Variants in IL2RA observed in about 807,000 individuals in gnomAD.
IL2RA encodes interleukin 2 receptor subunit alpha.
In IL2RA, 24 loss-of-function variants were observed where a neutral mutation model predicts 37.8. That is an observed-to-expected ratio of 0.63 (90% CI 0.46 to 0.89). The LOEUF is 0.89. IL2RA is among the 40% of genes least tolerant of loss of function. The pLI, the probability that IL2RA is intolerant of heterozygous loss-of-function variation, is 0.00. For synonymous variants in IL2RA, 125 were observed against 114.6 expected (o/e 1.09, Z -0.58); for missense variants, 319 against 348.6 (o/e 0.92, Z 0.68).
chr10:6,057,321 T>C lies in IL2RA; in HGVS notation c.64+4767A>G, dbSNP rs1840060566. 6.6e-6 allele frequency among the ~76,000 whole-genome samples: 1 copy of C among 152,184 alleles called. No individual in the cohort carries two copies. ...CTGCCAGGCAGTACTTCTTCAGAGC[T>C]GGAAATAACCCACAATGAGACATCA... is the stretch of plus-strand genomic sequence containing the variant. On this transcript the variant is annotated intron_variant, in intron 1 of 7. Coordinates refer to ENST00000379959, the MANE Select transcript of IL2RA (RefSeq NM_000417.3). This position sits in a 1 kb window ranked among gnomAD's most constrained non-coding sequence, Gnocchi z 4.8.
At position 6,035,659 on chromosome 10, in the gene IL2RA, C is replaced by T. The variant is rs150391673; in HGVS notation, c.65-9634G>A. On this transcript the variant is annotated intron_variant, in intron 1 of 7. Coordinates refer to ENST00000379959, the MANE Select transcript of IL2RA (RefSeq NM_000417.3). The surrounding 1 kb of genome is among the most constrained non-coding windows in gnomAD (Gnocchi z 5.4). ...TGGCCTTCCTCTTTAGTTTTTGTGC[C>T]TTTTATGTGGGCAGAGGGAAAAAGA... Among the ~76,000 whole-genome samples the T allele has an allele frequency of 5.1e-3, 771 of 152,254 alleles. 9 individuals are homozygous for T. Among genetic ancestry groups the T allele is most frequent in the African/African-American group, 0.017 (727 of 41,560 alleles).
intron 1 of IL2RA, among the ~76,000 whole-genome samples, chr10:6,027,382 A>T (rs1193059260): frequency 2.7e-5 from 4 of 150,358 alleles, no homozygotes; most frequent in Non-Finnish European, 5.9e-5. Context: ...TCTAACCAAC[A>T]AGGGACTAAG....
chr10:6,048,675 G>T lies in IL2RA; in HGVS notation c.64+13413C>A, dbSNP rs1211605684. On this transcript the variant is annotated intron_variant, in intron 1 of 7. Transcript: ENST00000379959. The surrounding 1 kb of genome is among the most constrained non-coding windows in gnomAD (Gnocchi z 5.3). ...CATGGAGGTTACTCAATGCCCTATGGGTTTGCCTTTCTGCTTCCCTTCATT... is the reference window on the plus strand; with the variant it reads ...CATGGAGGTTACTCAATGCCCTATGTGTTTGCCTTTCTGCTTCCCTTCATT... 3.3e-5 allele frequency among the ~76,000 whole-genome samples: 5 copies of T among 152,140 alleles called. No homozygotes were observed. The highest frequency in any genetic ancestry group is 7.4e-5 in the Non-Finnish European group (5 of 68,018).
intron 1 of IL2RA, among the ~76,000 whole-genome samples, chr10:6,031,616 A>G (rs913542804): frequency 1.3e-5 from 2 of 150,428 alleles, no homozygotes; most frequent in African/African-American, 4.9e-5. Context: ...ATTACATCAA[A>G]AAACATAAAA....
rs1447713562 is a variant in IL2RA, at chr10:6,020,752, C to G, written c.583+726G>C. Among the ~76,000 whole-genome samples the G allele has an allele frequency of 6.6e-6, 1 of 152,082 alleles. No homozygotes were observed. Among genetic ancestry groups the G allele is most frequent in the African/African-American group, 2.4e-5 (1 of 41,402 alleles). ...TTCACCATGTTGGCCAGGCTGGTCT[C>G]GAACTCCTGACCTAAAGTGATCTGC... On this transcript the variant is annotated intron_variant, in intron 4 of 7. Coordinates refer to ENST00000379959, the MANE Select transcript of IL2RA (RefSeq NM_000417.3). The surrounding 1 kb of genome is among the most constrained non-coding windows in gnomAD (Gnocchi z 5.6).
chr10:6,049,524 C>G (rs545644677), intron 1 of IL2RA, among the ~76,000 whole-genome samples: 1 of 152,332 alleles, frequency 6.6e-6, no homozygotes, highest in East Asian at 1.9e-4. Flanking sequence ...CATGCTCATG[C>G]CACACTTCCC....
chr10:6,026,060 AG>A (rs760263396), intron 1 of IL2RA, 35 bp from the exon 2 acceptor site: 6 of 1,599,324 alleles, frequency 3.8e-6, no homozygotes, highest in Non-Finnish European at 5.1e-6. Context: ...GGAACTCAAG[AG>A]GCCCCAGGCA....
At chr10:6,049,616 A>C (rs952355622) in intron 1 of IL2RA, among the ~76,000 whole-genome samples, 1 of 151,576 alleles carries the variant, frequency 6.6e-6, no homozygotes, top group Non-Finnish European at 1.5e-5. Flanking sequence ...AGCCTCCGGG[A>C]CTCTTCTGTC....
rs754005049 is a variant in IL2RA, at chr10:6,021,513, A to G, written c.548T>C (p.Ile183Thr). ...ACTGGTCTCCATTTCACCTGTGCAT[A>G]TGAGCTGGGGCTGGGTCCACCTTGT... ...GKTRWTQPQL[I>T]CTGEMETSQF... The change falls in exon 4 of 8, where the codon ATA becomes ACA. Residue 183 changes from isoleucine to threonine, a missense_variant. Transcript: ENST00000379959. This position sits in a 1 kb window ranked among gnomAD's most constrained non-coding sequence, Gnocchi z 4.9. 3 of 1,613,966 alleles carry G rather than the reference A, an allele frequency of 1.9e-6. No homozygotes were observed. In the African/African-American group the frequency reaches 4.0e-5, roughly 22 times the overall value.
rs911846331 is a variant in IL2RA, at chr10:6,014,298, A to G, written c.795-1402T>C. Reference sequence around the variant, plus strand: ...AACCAAAACTCTCTGGCTGGGCTACAGTGATCTTTCGGTAATTCAAATGCA... The same window carrying G: ...AACCAAAACTCTCTGGCTGGGCTACGGTGATCTTTCGGTAATTCAAATGCA... On this transcript the variant is annotated intron_variant, in intron 7 of 7. Coordinates refer to ENST00000379959, the MANE Select transcript of IL2RA (RefSeq NM_000417.3). This position sits in a 1 kb window ranked among gnomAD's most constrained non-coding sequence, Gnocchi z 4.4. Among the ~76,000 whole-genome samples the G allele has an allele frequency of 1.3e-4, 20 of 152,040 alleles. No homozygotes were observed. The highest frequency in any genetic ancestry group is 4.6e-4 in the African/African-American group (19 of 41,384).
At chr10:6,050,596 A>G (rs1839935418) in intron 1 of IL2RA, among the ~76,000 whole-genome samples, 1 of 152,200 alleles carries the variant, frequency 6.6e-6, no homozygotes, top group African/African-American at 2.4e-5. Context: ...GTGAGCCGAG[A>G]TCATACCACT....
At position 6,029,439 on chromosome 10, in the gene IL2RA, A is replaced by G. The variant is rs1839542157; in HGVS notation, c.65-3414T>C. Among the ~76,000 whole-genome samples the G allele has an allele frequency of 6.6e-6, 1 of 152,108 alleles. No individual in the cohort carries two copies. Among genetic ancestry groups the G allele is most frequent in the South Asian group, 2.1e-4 (1 of 4,820 alleles). On this transcript the variant is annotated intron_variant, in intron 1 of 7. Transcript: ENST00000379959. The surrounding 1 kb of genome is among the most constrained non-coding windows in gnomAD (Gnocchi z 4.6). ...CTCGGCCTCCCAAAGTGCTAGGATT[A>G]CAGGAGTGAGACACTGTGTTCAGTG...
chr10:6,051,365 G>T (rs978977347), intron 1 of IL2RA, among the ~76,000 whole-genome samples: 1 of 152,012 alleles, frequency 6.6e-6, no homozygotes, highest in Non-Finnish European at 1.5e-5. Context: ...TAACTCCGGG[G>T]ACTTCAAACG....
In IL2RA at chr10:6,044,566, C is replaced by G. The variant is rs1839822756; in HGVS notation, c.64+17522G>C. On this transcript the variant is annotated intron_variant, in intron 1 of 7. Coordinates refer to ENST00000379959, the MANE Select transcript of IL2RA (RefSeq NM_000417.3). The surrounding 1 kb of genome is among the most constrained non-coding windows in gnomAD (Gnocchi z 4.5). The stretch of plus-strand genomic sequence containing the variant: ...TGACATGGCACACTCATGAGCATGT[C>G]TTATGGAAAGCTGCTTCTGCCCCAA... 6.6e-6 allele frequency among the ~76,000 whole-genome samples: 1 copy of G among 152,172 alleles called. No homozygotes were observed. Among genetic ancestry groups the G allele is most frequent in the South Asian group, 2.1e-4 (1 of 4,826 alleles).
rs1840059080 is a variant in IL2RA, at chr10:6,057,184, G to A, written c.64+4904C>T. Among the ~76,000 whole-genome samples the A allele has an allele frequency of 6.6e-6, 1 of 152,128 alleles. No homozygotes were observed. The highest frequency in any genetic ancestry group is 1.5e-5 in the Non-Finnish European group (1 of 68,040). On this transcript the variant is annotated intron_variant, in intron 1 of 7. Coordinates refer to ENST00000379959, the MANE Select transcript of IL2RA (RefSeq NM_000417.3). This position sits in a 1 kb window ranked among gnomAD's most constrained non-coding sequence, Gnocchi z 4.8. Reference sequence around the variant, plus strand: ...GTCGCTCATTTTTACATTTCCTATAGTATTGAAAAGGGGCATGAGAGATAT... The same window carrying A: ...GTCGCTCATTTTTACATTTCCTATAATATTGAAAAGGGGCATGAGAGATAT...
intron 1 of IL2RA, among the ~76,000 whole-genome samples, chr10:6,055,820 G>T: frequency 1.8e-4 from 1 of 5,688 alleles, no homozygotes; most frequent in Admixed American, 3.7e-3. Context: ...GGGGCGGCTG[G>T]CCGGGCGGGG....
In IL2RA at chr10:6,014,491, T is replaced by C. The variant is rs1321635207; in HGVS notation, c.795-1595A>G. Among the ~76,000 whole-genome samples, 2 of 152,206 alleles carry C rather than the reference T, an allele frequency of 1.3e-5. No individual in the cohort carries two copies. Among genetic ancestry groups the C allele is most frequent in the Non-Finnish European group, 2.9e-5 (2 of 68,050 alleles). Reference sequence around the variant, plus strand: ...TCACATAGGTTCACACAGTTATTTGTTTCACAACATAAACACTGAACCATT... The same window carrying C: ...TCACATAGGTTCACACAGTTATTTGCTTCACAACATAAACACTGAACCATT... On this transcript the variant is annotated intron_variant, in intron 7 of 7. Coordinates refer to ENST00000379959, the MANE Select transcript of IL2RA (RefSeq NM_000417.3). This position sits in a 1 kb window ranked among gnomAD's most constrained non-coding sequence, Gnocchi z 4.4.
chr10:6,060,653 A>C (rs997552871), intron 1 of IL2RA, among the ~76,000 whole-genome samples: 9 of 152,136 alleles, frequency 5.9e-5, no homozygotes, highest in African/African-American at 2.2e-4. Context: ...GCTACTCAGG[A>C]GTCTGAGGCA....
chr10:6,060,909 A>G (rs1028725365), intron 1 of IL2RA, among the ~76,000 whole-genome samples: 3 of 152,174 alleles, frequency 2.0e-5, no homozygotes. Flanking sequence ...ATTATGTTTC[A>G]TTTCTTAATA....
Sources: allele counts gnomAD v4.1 joint callset (sites outside exome capture counted in the v4.1 genomes callset), GRCh38; gene constraint gnomAD v4.1.1; non-coding constraint Gnocchi (gnomAD v3.1); transcripts MANE v1.5; gene names NCBI Gene and HGNC (gene_info 2026-07-23, HGNC 2026-07-21).